Variants in SNTB1 observed in about 807,000 individuals in gnomAD.
SNTB1 encodes syntrophin beta 1.
Under a neutral mutation model 48.9 loss-of-function variants are expected in SNTB1, and 36 were observed. The observed-to-expected ratio is 0.74, with a 90% CI of 0.56 to 0.97. SNTB1 has a LOEUF of 0.97. Ranked by LOEUF, SNTB1 falls within the 50% of genes least tolerant of loss-of-function variation. The probability of loss-of-function intolerance (pLI) is 0.00; values close to 1 mark genes in which losing one functional copy is unlikely to be tolerated. For missense variants in SNTB1, 786 were observed against 703.4 expected, an observed-to-expected ratio of 1.12 and a Z score of -1.33; for synonymous variants, 299 against 294.6, an observed-to-expected ratio of 1.01 and a Z score of -0.15.
At chr8:120,539,483 C>T (rs76531731) in intron 6 of SNTB1, among the ~76,000 whole-genome samples, 31,620 of 152,160 alleles carry the variant, frequency 0.21, 3,454 homozygotes, top group Middle Eastern at 0.27. Flanking sequence ...AAACACAGAA[C>T]GCATGCTAAG....
In SNTB1 at chr8:120,565,096, G is replaced by T. The variant is rs1332860964; in HGVS notation, c.1136+9990C>A. ...TGTTGGCTTATTTCTTAATTTTTTAGTTTCTGCTAACAGGATGGATTTTAA... is the reference window on the plus strand; with the variant it reads ...TGTTGGCTTATTTCTTAATTTTTTATTTTCTGCTAACAGGATGGATTTTAA... On this transcript the variant is annotated intron_variant, in intron 4 of 6. Transcript: ENST00000517992. 6.6e-5 allele frequency among the ~76,000 whole-genome samples: 10 copies of T among 151,620 alleles called. No homozygotes were observed. The East Asian group carries it at 7.7e-4, about 12-fold the overall frequency.
In SNTB1 at chr8:120,811,316, C is replaced by T. The variant is rs373866912; in HGVS notation, c.528G>A (p.Ala176=). The change falls in exon 1 of 7, where the codon GCG becomes GCA. Residue 176 remains alanine (A), a synonymous_variant. Coordinates refer to ENST00000517992, the MANE Select transcript of SNTB1 (RefSeq NM_021021.4). ...ADLRDATHDE[A]VQALKRAGKE... is the part of the protein sequence containing the mutation. ...TGCCCGCGCGCTTCAACGCCTGCAC[C>T]GCCTCGTCGTGGGTGGCGTCCCGCA... is the stretch of plus-strand genomic sequence containing the variant. 5.0e-6 allele frequency: 8 copies of T among 1,609,940 alleles called. No homozygotes were observed. In the African/African-American group the frequency reaches 6.7e-5, roughly 13 times the overall value.
chr8:120,547,407 C>A lies in SNTB1; in HGVS notation c.1333+1355G>T, dbSNP rs112341003. 1.1e-3 allele frequency among the ~76,000 whole-genome samples: 169 copies of A among 152,034 alleles called. 1 individual carries two copies. Among genetic ancestry groups the A allele is most frequent in the Middle Eastern group, 0.01 (3 of 294 alleles). On this transcript the variant is annotated intron_variant, in intron 5 of 6. Transcript: ENST00000517992. The stretch of plus-strand genomic sequence containing the variant: ...GGTCAGGAGTTCGAGACCAGCCTGG[C>A]CAACATGGTAAAACCCCATCTCTAC...
At chr8:120,777,788 T>C (rs553752706) in intron 1 of SNTB1, among the ~76,000 whole-genome samples, 88 of 152,332 alleles carry the variant, frequency 5.8e-4, no homozygotes, top group African/African-American at 2.1e-3. Flanking sequence ...TGTCAGGTAA[T>C]AGGATGCCTG....
At chr8:120,566,912 T>C (rs1815759090) in intron 4 of SNTB1, among the ~76,000 whole-genome samples, 1 of 152,162 alleles carries the variant, frequency 6.6e-6, no homozygotes. Flanking sequence ...TGTTGCATGA[T>C]TTATTTGTCA....
chr8:120,610,925 C>T (rs1187936165), intron 3 of SNTB1, among the ~76,000 whole-genome samples: 1 of 152,180 alleles, frequency 6.6e-6, no homozygotes, highest in Non-Finnish European at 1.5e-5. Flanking sequence ...TCCTGCCCTG[C>T]TCATACCTGA....
chr8:120,792,576 C>T (rs1370899777), intron 1 of SNTB1, among the ~76,000 whole-genome samples: 1 of 151,914 alleles, frequency 6.6e-6, no homozygotes, highest in Non-Finnish European at 1.5e-5. Context: ...AAACTAGTTG[C>T]TTGCTGCTAG....
chr8:120,557,043 G>A (rs1336359932), intron 4 of SNTB1, among the ~76,000 whole-genome samples: 2 of 152,164 alleles, frequency 1.3e-5, no homozygotes, highest in Admixed American at 6.5e-5. Context: ...AGGAGAGGAA[G>A]TTTATACAGG....
intron 3 of SNTB1, among the ~76,000 whole-genome samples, chr8:120,586,775 G>A (rs1411005046): frequency 3.3e-5 from 5 of 152,122 alleles, no homozygotes; most frequent in South Asian, 4.1e-4. Context: ...CGTATGGAGC[G>A]AAATGACAGG....
chr8:120,651,940 T>A (rs1289125447), intron 2 of SNTB1, among the ~76,000 whole-genome samples: 1 of 152,230 alleles, frequency 6.6e-6, no homozygotes, highest in Non-Finnish European at 1.5e-5. Context: ...GTGGAAACTA[T>A]AACTATCCCT....
chr8:120,614,627 G>A (rs891261946), intron 3 of SNTB1, among the ~76,000 whole-genome samples: 1 of 152,288 alleles, frequency 6.6e-6, no homozygotes, highest in African/African-American at 2.4e-5. Flanking sequence ...TAAATCTACT[G>A]TTACTCAACA....
chr8:120,780,353 T>C (rs1383710228), intron 1 of SNTB1, among the ~76,000 whole-genome samples: 1 of 152,210 alleles, frequency 6.6e-6, no homozygotes. Context: ...TGAAACTCCA[T>C]TAACATCAGT....
At chr8:120,721,821 C>A (rs1309794197) in intron 1 of SNTB1, among the ~76,000 whole-genome samples, 1 of 152,088 alleles carries the variant, frequency 6.6e-6, no homozygotes, top group Non-Finnish European at 1.5e-5. Flanking sequence ...ATGTGCCATG[C>A]TGGCCTGCTG....
intron 3 of SNTB1, among the ~76,000 whole-genome samples, chr8:120,596,837 T>G (rs1816334384): frequency 6.6e-6 from 1 of 152,222 alleles, no homozygotes; most frequent in Non-Finnish European, 1.5e-5. Context: ...GTGATGAGAC[T>G]GGGCACATCT....
At chr8:120,683,671 T>C (rs1249701135) in intron 2 of SNTB1, among the ~76,000 whole-genome samples, 1 of 152,142 alleles carries the variant, frequency 6.6e-6, no homozygotes, top group Non-Finnish European at 1.5e-5. Flanking sequence ...CTGAGGTCCC[T>C]ACAAAAAGCC....
chr8:120,769,929 A>T (rs1819590122), intron 1 of SNTB1, among the ~76,000 whole-genome samples: 1 of 152,196 alleles, frequency 6.6e-6, no homozygotes, highest in Non-Finnish European at 1.5e-5. Context: ...ATTTACTCAA[A>T]CTCAAAAACA....
intron 1 of SNTB1, among the ~76,000 whole-genome samples, chr8:120,743,639 T>C (rs1196745744): frequency 6.6e-6 from 1 of 152,142 alleles, no homozygotes; most frequent in Non-Finnish European, 1.5e-5. Flanking sequence ...AAACATTCAA[T>C]AAAAAGCAGG....
At chr8:120,539,421 T>A (rs1815250007) in intron 6 of SNTB1, among the ~76,000 whole-genome samples, 1 of 152,140 alleles carries the variant, frequency 6.6e-6, no homozygotes, top group Non-Finnish European at 1.5e-5. Context: ...ATTCACAGAG[T>A]CATTAGAGGG....
chr8:120,756,639 C>G (rs57878111), intron 1 of SNTB1, among the ~76,000 whole-genome samples: 11,078 of 152,114 alleles, frequency 0.073, 1,320 homozygotes, highest in African/African-American at 0.25. Flanking sequence ...AGTTGAGCTA[C>G]CACTTGCAGT....
Sources: allele counts gnomAD v4.1 joint callset (sites outside exome capture counted in the v4.1 genomes callset), GRCh38; gene constraint gnomAD v4.1.1; transcripts MANE v1.5; gene names NCBI Gene and HGNC (gene_info 2026-07-23, HGNC 2026-07-21).